TMTC4: variants seen among roughly 807,000 people sequenced by gnomAD.
TMTC4 encodes transmembrane O-mannosyltransferase targeting cadherins 4.
Under a neutral mutation model 86.0 loss-of-function variants are expected in TMTC4, and 65 were observed. The ratio of observed to expected loss-of-function variants is 0.76; its 90% CI spans 0.62 to 0.93. The LOEUF (loss-of-function observed/expected upper bound fraction) is 0.93. Ranked by LOEUF, TMTC4 falls within the 40% of genes least tolerant of loss-of-function variation. The pLI is 0.00. For missense variants in TMTC4, 866 were observed against 948.1 expected, an observed-to-expected ratio of 0.91 and a Z score of 1.14; for synonymous variants, 379 against 382.5, an observed-to-expected ratio of 0.99 and a Z score of 0.11.
intron 12 of TMTC4, among the ~76,000 whole-genome samples, chr13:100,629,059 G>A (rs1358096350): frequency 6.6e-6 from 1 of 152,156 alleles, no homozygotes; most frequent in East Asian, 1.9e-4. Context: ...TGAGACAGGA[G>A]AATCGCTTGA....
chr13:100,670,214 T>C (rs1167804041), intron 2 of TMTC4, 146 bp downstream of exon 2: 1 of 809,692 alleles, frequency 1.2e-6, no homozygotes, highest in Non-Finnish European at 1.9e-6. Flanking sequence ...TTTGGATGTA[T>C]TTGTTTCTGG....
chr13:100,615,600 G>A (rs1361483475), intron 15 of TMTC4, among the ~76,000 whole-genome samples: 1 of 152,128 alleles, frequency 6.6e-6, no homozygotes, highest in Non-Finnish European at 1.5e-5. Context: ...TCACAGACGT[G>A]TGTCACCATG....
chr13:100,612,277 T>G, intron 17 of TMTC4, 121 bp downstream of exon 17: 1 of 746,126 alleles, frequency 1.3e-6, no homozygotes, highest in Non-Finnish European at 2.2e-6. Context: ...CCAAGCCACA[T>G]TGGTGCACCA....
intron 1 of TMTC4, among the ~76,000 whole-genome samples, chr13:100,671,817 G>A (rs150895041): frequency 0.011 from 1,716 of 151,716 alleles, 13 homozygotes; most frequent in Non-Finnish European, 0.017. Flanking sequence ...TTCTTTGAAG[G>A]GATTTACTGT....
chr13:100,624,195 G>C lies in TMTC4; in HGVS notation c.1836+1340C>G, dbSNP rs747577183. 3.6e-4 allele frequency among the ~76,000 whole-genome samples: 54 copies of C among 151,790 alleles called. No individual in the cohort carries two copies. The Middle Eastern group carries it at 0.01, about 29-fold the overall frequency. ...CAAAACATTAGCCAGGCATGGTGGC[G>C]GGCGCCTATAGTCCCAGCTACTCCG... On this transcript the variant is annotated intron_variant, in intron 15 of 18. Transcript: ENST00000342624.
intron 2 of TMTC4, 82 bp downstream of exon 2, chr13:100,670,278 G>T: frequency 6.6e-7 from 1 of 1,523,454 alleles, no homozygotes; most frequent in Non-Finnish European, 8.9e-7. Context: ...AGCCAAATAG[G>T]CCACCTGAAG....
In TMTC4 at chr13:100,658,323, C is replaced by A. The variant is rs528457618; in HGVS notation, c.553-1855G>T. ...AGAAGCTCAGGTATCATCTCTGCAG[C>A]CCCGGGTGAGTGAGGAGGCAGCTGG... On this transcript the variant is annotated intron_variant, in intron 5 of 18. Coordinates refer to ENST00000342624, the MANE Select transcript of TMTC4 (RefSeq NM_032813.5). Among the ~76,000 whole-genome samples the A allele has an allele frequency of 2.6e-5, 4 of 152,166 alleles. 1 individual carries two copies. In the South Asian group the frequency reaches 6.2e-4, roughly 24 times the overall value.
At chr13:100,649,548 T>C (rs1366722978) in intron 6 of TMTC4, among the ~76,000 whole-genome samples, 3 of 152,186 alleles carry the variant, frequency 2.0e-5, no homozygotes, top group Admixed American at 2.0e-4. Context: ...AAACATCTGT[T>C]GAATCAATAA....
At chr13:100,638,747 G>A (rs1035794301) in intron 7 of TMTC4, 1 of 152,264 alleles carries the variant, frequency 6.6e-6, no homozygotes. Context: ...CCAGCTGGCT[G>A]GAATGGAGAT....
chr13:100,634,330 G>A (rs1566594967), intron 12 of TMTC4, among the ~76,000 whole-genome samples: 1 of 152,090 alleles, frequency 6.6e-6, no homozygotes, highest in Admixed American at 6.5e-5. Context: ...GCAGCACATA[G>A]CATAAACTTC....
chr13:100,675,029 C>G (rs544043709), upstream of TMTC4: 391 of 985,644 alleles, frequency 4.0e-4, no homozygotes, highest in Non-Finnish European at 4.4e-4. Context: ...GGCCAGGGGG[C>G]GCTAGTCGGC....
At chr13:100,669,821 G>A (rs972941068) in intron 2 of TMTC4, among the ~76,000 whole-genome samples, 4 of 152,106 alleles carry the variant, frequency 2.6e-5, no homozygotes, top group African/African-American at 9.7e-5. Flanking sequence ...TGCTTTCTTT[G>A]GATTTACCAG....
chr13:100,623,753 G>A (rs555661467), intron 15 of TMTC4: 35 of 203,024 alleles, frequency 1.7e-4, no homozygotes, highest in South Asian at 1.6e-3. Flanking sequence ...TGGTGCAGGC[G>A]CTCAATGCAC....
At chr13:100,633,549 C>T (rs1038035295) in intron 12 of TMTC4, among the ~76,000 whole-genome samples, 3 of 152,166 alleles carry the variant, frequency 2.0e-5, no homozygotes, top group African/African-American at 4.8e-5. Context: ...GAAAAAATTC[C>T]TACCAGATTG....
intron 17 of TMTC4, 43 bp downstream of exon 17, chr13:100,612,355 G>T: frequency 7.0e-7 from 1 of 1,423,758 alleles, no homozygotes. Flanking sequence ...TCTGTCAGAT[G>T]CTGGCACTAA....
intron 6 of TMTC4, among the ~76,000 whole-genome samples, chr13:100,644,163 T>G (rs867882153): frequency 6.1e-5 from 9 of 146,884 alleles, no homozygotes; most frequent in African/African-American, 2.0e-4. Flanking sequence ...TGGAGTGCAG[T>G]GGCACGATCT....
At chr13:100,639,476 G>A (rs1163171284) in intron 7 of TMTC4, among the ~76,000 whole-genome samples, 1 of 152,252 alleles carries the variant, frequency 6.6e-6, no homozygotes, top group Non-Finnish European at 1.5e-5. Flanking sequence ...TTACCAAGGG[G>A]TGGCAGGTTC....
intron 15 of TMTC4, among the ~76,000 whole-genome samples, chr13:100,617,058 G>A (rs1878613954): frequency 6.6e-6 from 1 of 151,894 alleles, no homozygotes; most frequent in South Asian, 2.1e-4. Flanking sequence ...AATTGCTTTT[G>A]AGGACTTCAT....
intron 5 of TMTC4, among the ~76,000 whole-genome samples, chr13:100,661,209 C>T (rs1885735334): frequency 2.0e-5 from 3 of 152,124 alleles, no homozygotes; most frequent in African/African-American, 7.2e-5. Context: ...TTCCTTTTAA[C>T]CATCTGGAAT....
Sources: allele counts gnomAD v4.1 joint callset (sites outside exome capture counted in the v4.1 genomes callset), GRCh38; gene constraint gnomAD v4.1.1; transcripts MANE v1.5; gene names NCBI Gene and HGNC (gene_info 2026-07-23, HGNC 2026-07-21).